The following NEDD9 variants were observed in gnomAD, a reference collection of about 807,000 sequenced individuals.
The protein encoded by NEDD9 is neural precursor cell expressed, developmentally down-regulated 9, also known as enhancer of filamentation 1.
Under a neutral mutation model 76.6 loss-of-function variants are expected in NEDD9, and 26 were observed. The ratio of observed to expected loss-of-function variants is 0.34; its 90% CI spans 0.25 to 0.47. The LOEUF (loss-of-function observed/expected upper bound fraction) is 0.47. Ranked by LOEUF, NEDD9 falls within the 20% of genes least tolerant of loss-of-function variation. The probability of loss-of-function intolerance (pLI) is 1.00; values close to 1 mark genes in which losing one functional copy is unlikely to be tolerated. For missense variants in NEDD9, 937 were observed against 1,058.5 expected (o/e 0.89, Z 1.59); for synonymous variants, 392 against 414.2 (o/e 0.95, Z 0.65).
chr6:11,296,410 G>C (rs1177249073), intron 3 of NEDD9, among the ~76,000 whole-genome samples: 1 of 152,140 alleles, frequency 6.6e-6, no homozygotes, highest in East Asian at 1.9e-4. Context: ...TCACTACATA[G>C]TGTTTTCATA....
intron 1 of NEDD9, among the ~76,000 whole-genome samples, chr6:11,231,979 C>T (rs1759481837): frequency 6.6e-6 from 1 of 152,172 alleles, no homozygotes; most frequent in South Asian, 2.1e-4. Flanking sequence ...CCATCCTCAG[C>T]TGTGTAATCT....
intron 1 of NEDD9, among the ~76,000 whole-genome samples, chr6:11,339,560 C>T (rs1293666243): frequency 6.6e-6 from 1 of 152,230 alleles, no homozygotes; most frequent in East Asian, 1.9e-4. Flanking sequence ...CTGGTGCATC[C>T]TGCCCCACCA....
In NEDD9 at chr6:11,274,591, G is replaced by A. The variant is rs191122569; in HGVS notation, c.12+31401C>T. On this transcript the variant is annotated intron_variant, in intron 3 of 3. Coordinates refer to the NEDD9 transcript ENST00000397378. ...GGCACAGAGCACTGTACTCTCTGTT[G>A]GGAACTGTACTCTCTGCTGTACTCA... Among the ~76,000 whole-genome samples the A allele has an allele frequency of 4.0e-3, 608 of 152,284 alleles. 4 individuals carry two copies. The highest frequency in any genetic ancestry group is 0.014 in the African/African-American group (583 of 41,558).
At chr6:11,349,374 G>T (rs1439133727) in intron 1 of NEDD9, among the ~76,000 whole-genome samples, 1 of 152,124 alleles carries the variant, frequency 6.6e-6, no homozygotes, top group Admixed American at 6.5e-5. Context: ...TTTCTCAAAG[G>T]CCTAAAGACA....
chr6:11,268,914 G>A (rs148331841), intron 3 of NEDD9, among the ~76,000 whole-genome samples: 1 of 152,194 alleles, frequency 6.6e-6, no homozygotes, highest in African/African-American at 2.4e-5. Context: ...TTACTTCTCT[G>A]TAAGAAATTT....
In NEDD9 at chr6:11,190,135, C is replaced by T; in HGVS notation, c.1734G>A (p.Glu578=). ...GTCCCTGGGAGCCACCGTGTGGGTA[C>T]TCCGTTGAGTTCATGATGCTCTCCG... ...NGPESIMNST[E]YPHGGSQGQL... Residue 578 remains glutamate, a synonymous_variant, in exon 5 of 7, where the codon GAG becomes GAA. Transcript: ENST00000379446. The surrounding 1 kb of genome is among the most constrained non-coding windows in gnomAD (Gnocchi z 5.8). 1 of 1,613,836 alleles carries T rather than the reference C, an allele frequency of 6.2e-7. No homozygotes were observed. Among genetic ancestry groups the T allele is most frequent in the Non-Finnish European group, 8.5e-7 (1 of 1,179,808 alleles).
At chr6:11,232,207 C>T (rs1377548376) in intron 1 of NEDD9, among the ~76,000 whole-genome samples, 5 of 152,210 alleles carry the variant, frequency 3.3e-5, no homozygotes, top group Admixed American at 6.5e-5. Flanking sequence ...GTCAGACACC[C>T]TCTGATCTCC....
chr6:11,193,675 C>A lies in NEDD9; in HGVS notation c.477G>T (p.Arg159Ser). Reference protein sequence around the residue: ...HVGKKVITPVRTGHGYVYEYP... With the variant: ...HVGKKVITPVSTGHGYVYEYP... ...ACTCGTATACGTAGCCATGGCCTGT[C>A]CTCACGGGGGTTATCACCTGTGGGA... The change falls in exon 3 of 7, where the codon AGG (arginine) becomes AGT (serine). Residue 159 changes from arginine (R) to serine (S), a missense_variant. Transcript: ENST00000379446. The A allele has an allele frequency of 6.2e-7, 1 of 1,613,820 alleles. No homozygotes were observed. Among genetic ancestry groups the A allele is most frequent in the Non-Finnish European group, 8.5e-7 (1 of 1,179,806 alleles).
chr6:11,187,955 A>G (rs1023850144), intron 6 of NEDD9, among the ~76,000 whole-genome samples: 1 of 152,206 alleles, frequency 6.6e-6, no homozygotes, highest in Non-Finnish European at 1.5e-5. Context: ...CAAATGCCTT[A>G]ACCCAAATAG....
intron 1 of NEDD9, among the ~76,000 whole-genome samples, chr6:11,337,770 C>T (rs184634018): frequency 1.8e-4 from 28 of 152,286 alleles, no homozygotes; most frequent in Admixed American, 1.8e-3. Context: ...GAGGGAAGAG[C>T]AGGGGATCTG....
chr6:11,322,919 C>A (rs1761841866), intron 2 of NEDD9, among the ~76,000 whole-genome samples: 1 of 152,218 alleles, frequency 6.6e-6, no homozygotes, highest in South Asian at 2.1e-4. Context: ...AGTTCAAATC[C>A]ATTTACTACC....
At chr6:11,242,946 C>A (rs140599291) in intron 3 of NEDD9, among the ~76,000 whole-genome samples, 1 of 148,518 alleles carries the variant, frequency 6.7e-6, no homozygotes. Context: ...TACAAAGAGT[C>A]ATGCCAAGTG....
rs1242054260 is a variant in NEDD9 at position 11,237,748 on chromosome 6, G to A, written c.13-24021C>T. 6.6e-6 allele frequency among the ~76,000 whole-genome samples: 1 copy of A among 152,118 alleles called. No individual in the cohort carries two copies. ...AGCCCCCAAAGCCGAAGAAGAAAAA[G>A]TATTATTTGGTTGTCTCTAGAAGTT... is the stretch of plus-strand genomic sequence containing the variant. On this transcript the variant is annotated intron_variant, in intron 3 of 3. Coordinates refer to the NEDD9 transcript ENST00000397378. This position sits in a 1 kb window ranked among gnomAD's most constrained non-coding sequence, Gnocchi z 4.9.
upstream of NEDD9, chr6:11,233,170 T>TC: frequency 2.0e-6 from 1 of 510,048 alleles, no homozygotes; most frequent in East Asian, 5.5e-5. Flanking sequence ...CCTTTTTCTT[T>TC]CCCCCTCCTC....
chr6:11,223,295 A>G (rs1759198846), intron 1 of NEDD9, among the ~76,000 whole-genome samples: 2 of 152,222 alleles, frequency 1.3e-5, no homozygotes, highest in African/African-American at 4.8e-5. Flanking sequence ...CAAAATAAAT[A>G]TTAATAGACA....
intron 3 of NEDD9, among the ~76,000 whole-genome samples, chr6:11,293,471 C>G (rs1350040514): frequency 6.6e-6 from 1 of 152,080 alleles, no homozygotes; most frequent in African/African-American, 2.4e-5. Context: ...TCTATCCCCC[C>G]CTCTCAGCTT....
intron 3 of NEDD9, among the ~76,000 whole-genome samples, chr6:11,264,306 C>T (rs1001229220): frequency 6.6e-6 from 1 of 152,116 alleles, no homozygotes; most frequent in East Asian, 1.9e-4. Context: ...AGTGAGATGG[C>T]GCCCCCAGAG....
chr6:11,237,420 A>G (rs752430884), upstream of NEDD9, among the ~76,000 whole-genome samples: 9 of 152,212 alleles, frequency 5.9e-5, no homozygotes, highest in Non-Finnish European at 1.3e-4. This position sits in a 1 kb window ranked among gnomAD's most constrained non-coding sequence, Gnocchi z 4.9. Flanking sequence ...AACAGGGAAG[A>G]CATATTCCCC....
upstream of NEDD9, among the ~76,000 whole-genome samples, chr6:11,234,745 C>A (rs1275151847): frequency 7.3e-6 from 1 of 136,698 alleles, no homozygotes; most frequent in African/African-American, 2.8e-5. Context: ...GACAAAGTTT[C>A]ATTCTTGTTG....
Sources: allele counts gnomAD v4.1 joint callset (sites outside exome capture counted in the v4.1 genomes callset), GRCh38; gene constraint gnomAD v4.1.1; non-coding constraint Gnocchi (gnomAD v3.1); transcripts MANE v1.5; gene names NCBI Gene and HGNC (gene_info 2026-07-23, HGNC 2026-07-21).